Variants in CSMD1 observed in about 807,000 individuals in gnomAD.
CSMD1 encodes CUB and Sushi multiple domains 1, also known as CUB and sushi domain-containing protein 1.
In CSMD1, 213 loss-of-function variants were observed where a neutral mutation model predicts 417.5. The observed-to-expected ratio is 0.51, with a 90% CI of 0.46 to 0.57. CSMD1 has a LOEUF of 0.57. CSMD1 is among the 20% of genes least tolerant of loss of function. The pLI is 0.00. For synonymous variants in CSMD1, 2,862 were observed against 1,736.8 expected (o/e 1.65, Z -16.11); for missense variants, 6,923 against 4,529.7 (o/e 1.53, Z -15.17).
At chr8:3,383,962 G>A (rs916993196) in intron 18 of CSMD1, among the ~76,000 whole-genome samples, 2 of 152,146 alleles carry the variant, frequency 1.3e-5, no homozygotes, top group Admixed American at 6.5e-5. Flanking sequence ...CAGGAAAGAA[G>A]CTGGACAAAC....
At chr8:3,710,163 T>C (rs1801427542) in intron 6 of CSMD1, among the ~76,000 whole-genome samples, 1 of 152,146 alleles carries the variant, frequency 6.6e-6, no homozygotes, top group African/African-American at 2.4e-5. Context: ...AAGAGTTGTC[T>C]GCAAGTTTTT....
chr8:3,950,483 C>A (rs756094), intron 5 of CSMD1, among the ~76,000 whole-genome samples: 1 of 152,100 alleles, frequency 6.6e-6, no homozygotes, highest in Non-Finnish European at 1.5e-5. Flanking sequence ...ACAAACATAA[C>A]ACGCCCCTTT....
At chr8:3,256,155 T>A (rs1391928989) in intron 26 of CSMD1, among the ~76,000 whole-genome samples, 1 of 151,650 alleles carries the variant, frequency 6.6e-6, no homozygotes, top group Non-Finnish European at 1.5e-5. Context: ...TGGTGAAACC[T>A]CCTCTGTACT....
intron 1 of CSMD1, among the ~76,000 whole-genome samples, chr8:4,707,516 G>A (rs1010606816): frequency 6.6e-6 from 1 of 152,124 alleles, no homozygotes; most frequent in African/African-American, 2.4e-5. Flanking sequence ...AGGAGTCCGT[G>A]AACAGTTAAA....
At chr8:4,768,839 T>G (rs879758641) in intron 1 of CSMD1, among the ~76,000 whole-genome samples, 43 of 152,194 alleles carry the variant, frequency 2.8e-4, no homozygotes, top group Non-Finnish European at 5.1e-4. Flanking sequence ...ATTATTCATA[T>G]GGGAAGGGGA....
chr8:4,426,965 C>A (rs975326145), intron 2 of CSMD1, among the ~76,000 whole-genome samples: 3 of 151,946 alleles, frequency 2.0e-5, no homozygotes, highest in African/African-American at 7.2e-5. Flanking sequence ...CTGGATAAGA[C>A]TGGCCTGGTC....
intron 30 of CSMD1, among the ~76,000 whole-genome samples, chr8:3,210,677 C>G (rs1797553612): frequency 6.7e-6 from 1 of 148,362 alleles, no homozygotes; most frequent in Admixed American, 6.8e-5. Flanking sequence ...TATATATACA[C>G]ACCTATATAT....
At chr8:3,285,779 T>C (rs576724972) in intron 25 of CSMD1, among the ~76,000 whole-genome samples, 2 of 151,990 alleles carry the variant, frequency 1.3e-5, no homozygotes, top group East Asian at 3.9e-4. Flanking sequence ...GTTCTTTCTC[T>C]TATCACACAC....
At chr8:4,932,014 T>C (rs999153928) in intron 1 of CSMD1, among the ~76,000 whole-genome samples, 2 of 152,198 alleles carry the variant, frequency 1.3e-5, no homozygotes, top group Non-Finnish European at 2.9e-5. Context: ...GAGATTCACA[T>C]AGCTACTAAT....
At chr8:3,753,886 T>C (rs974610646) in intron 6 of CSMD1, 44 bp downstream of exon 6, 2 of 1,362,682 alleles carry the variant, frequency 1.5e-6, no homozygotes, top group South Asian at 1.2e-5. Flanking sequence ...CAAAATATAT[T>C]ACGCTCTGTT....
intron 1 of CSMD1, among the ~76,000 whole-genome samples, chr8:4,842,430 T>C (rs1800898493): frequency 1.3e-5 from 2 of 152,328 alleles, no homozygotes; most frequent in South Asian, 2.1e-4. Flanking sequence ...CCAATTATAG[T>C]TATTATGCTC....
At chr8:4,849,525 T>C (rs1435908136) in intron 1 of CSMD1, among the ~76,000 whole-genome samples, 1 of 152,192 alleles carries the variant, frequency 6.6e-6, no homozygotes, top group Non-Finnish European at 1.5e-5. Flanking sequence ...ACAGAGCTAC[T>C]TCCAGGTTGC....
chr8:4,732,536 G>A (rs569152589), intron 1 of CSMD1, among the ~76,000 whole-genome samples: 15 of 152,120 alleles, frequency 9.9e-5, no homozygotes, highest in Non-Finnish European at 1.6e-4. Flanking sequence ...GTCTTGCAAT[G>A]CAATTGAATT....
intron 38 of CSMD1, 36 bp downstream of exon 38, chr8:3,162,123 G>A (rs774674122): frequency 3.1e-6 from 4 of 1,304,112 alleles, no homozygotes; most frequent in Admixed American, 3.8e-5. Context: ...AGATGACCAT[G>A]TGTATGTTAT....
At chr8:4,426,275 C>T (rs7845678) in intron 2 of CSMD1, among the ~76,000 whole-genome samples, 1,835 of 151,512 alleles carry the variant, frequency 0.012, 16 homozygotes, top group Non-Finnish European at 0.018. Context: ...ATTCCAATTT[C>T]TGTTCTAGAA....
intron 2 of CSMD1, among the ~76,000 whole-genome samples, chr8:4,429,563 G>A (rs1401320653): frequency 6.6e-6 from 1 of 152,106 alleles, no homozygotes; most frequent in Non-Finnish European, 1.5e-5. Context: ...CATTACAGAA[G>A]GATTTGGTCC....
At chr8:3,341,034 T>A (rs1281565831) in intron 23 of CSMD1, among the ~76,000 whole-genome samples, 2 of 152,182 alleles carry the variant, frequency 1.3e-5, no homozygotes, top group Non-Finnish European at 2.9e-5. Flanking sequence ...CACAAACAGA[T>A]GAATAGATTC....
chr8:3,995,571 G>A (rs764134857), intron 5 of CSMD1, among the ~76,000 whole-genome samples: 16 of 152,154 alleles, frequency 1.1e-4, no homozygotes, highest in Admixed American at 3.3e-4. Context: ...AGAAAATGCC[G>A]TGGAGTCAGA....
intron 6 of CSMD1, among the ~76,000 whole-genome samples, chr8:3,750,644 T>C (rs140784669): frequency 6.6e-6 from 1 of 152,174 alleles, no homozygotes; most frequent in African/African-American, 2.4e-5. Flanking sequence ...AAGATTCAGC[T>C]GAACAAATGT....
Sources: allele counts gnomAD v4.1 joint callset (sites outside exome capture counted in the v4.1 genomes callset), GRCh38; gene constraint gnomAD v4.1.1; transcripts MANE v1.5; gene names NCBI Gene and HGNC (gene_info 2026-07-23, HGNC 2026-07-21).